PAMR1: variants seen among roughly 807,000 people sequenced by gnomAD.
The protein encoded by PAMR1 is inactive serine protease PAMR1.
PAMR1 carries 88 observed loss-of-function variants against 81.8 expected under a neutral mutation model. The ratio of observed to expected loss-of-function variants is 1.08; its 90% CI spans 0.91 to 1.28. PAMR1 has a LOEUF of 1.28. Ranked by LOEUF, PAMR1 falls within the 50% of genes most tolerant of loss-of-function variation. The probability of loss-of-function intolerance (pLI) is 0.00; values close to 1 mark genes in which losing one functional copy is unlikely to be tolerated. For synonymous variants in PAMR1, 336 were observed against 345.3 expected, an observed-to-expected ratio of 0.97 and a Z score of 0.30; for missense variants, 935 against 919.7, an observed-to-expected ratio of 1.02 and a Z score of -0.21.
chr11:35,472,239 C>T (rs1435530075), intron 4 of PAMR1, among the ~76,000 whole-genome samples: 1 of 152,202 alleles, frequency 6.6e-6, no homozygotes, highest in Non-Finnish European at 1.5e-5. Context: ...GCCTTGATAT[C>T]TTTGTCTTCA....
intron 6 of PAMR1, among the ~76,000 whole-genome samples, chr11:35,463,341 G>A (rs931750350): frequency 2.0e-5 from 3 of 152,208 alleles, no homozygotes; most frequent in Non-Finnish European, 4.4e-5. Flanking sequence ...TCCAAGGCGT[G>A]TCAGAGCCCG....
At chr11:35,439,828 T>A in intron 7 of PAMR1, 135 bp from the exon 8 acceptor site, 1 of 699,538 alleles carries the variant, frequency 1.4e-6, no homozygotes, top group Non-Finnish European at 2.6e-6. Context: ...GCAAGACATG[T>A]CAGCCAAGCT....
chr11:35,441,424 C>CA, intron 7 of PAMR1, 57 bp downstream of exon 7: 1 of 1,315,864 alleles, frequency 7.6e-7, no homozygotes, highest in Non-Finnish European at 1.1e-6. Context: ...AAGGAGCTAC[C>CA]AAAAAGTCTA....
chr11:35,479,558 G>A (rs1850345741), intron 3 of PAMR1, among the ~76,000 whole-genome samples: 1 of 152,144 alleles, frequency 6.6e-6, no homozygotes. Flanking sequence ...GGAATCACAG[G>A]GGACAGCTCA....
intron 7 of PAMR1, 49 bp downstream of exon 7, chr11:35,441,432 C>G: frequency 7.1e-7 from 1 of 1,407,866 alleles, no homozygotes; most frequent in Non-Finnish European, 1.0e-6. Flanking sequence ...ACCAAAAAGT[C>G]TAGCAACTTC....
chr11:35,510,115 T>A (rs1355315527), intron 1 of PAMR1, among the ~76,000 whole-genome samples: 6 of 152,238 alleles, frequency 3.9e-5, no homozygotes, highest in Non-Finnish European at 7.3e-5. Context: ...TATTTTTTTC[T>A]TTATAAAACA....
At chr11:35,484,473 G>T (rs562974075) in intron 3 of PAMR1, among the ~76,000 whole-genome samples, 13 of 152,268 alleles carry the variant, frequency 8.5e-5, no homozygotes, top group African/African-American at 2.9e-4. Flanking sequence ...GGGCAGCCCC[G>T]AAAGTCAGTA....
At chr11:35,466,267 T>C (rs534436548) in intron 6 of PAMR1, among the ~76,000 whole-genome samples, 5 of 152,292 alleles carry the variant, frequency 3.3e-5, no homozygotes, top group Non-Finnish European at 7.4e-5. Context: ...CAGGCTCAAA[T>C]GAGGCAAGAA....
At chr11:35,493,439 C>G (rs1850665774) in intron 2 of PAMR1, among the ~76,000 whole-genome samples, 1 of 152,070 alleles carries the variant, frequency 6.6e-6, no homozygotes, top group Non-Finnish European at 1.5e-5. Flanking sequence ...CTCTCCTTCT[C>G]CCTCCCTCTC....
chr11:35,475,828 C>T (rs542912544), intron 3 of PAMR1, among the ~76,000 whole-genome samples: 142 of 152,222 alleles, frequency 9.3e-4, no homozygotes, highest in African/African-American at 3.3e-3. Context: ...TAGCAAGAGA[C>T]AGTAGGCCCC....
At position 35,490,398 on chromosome 11, in the gene PAMR1, G is replaced by A. The variant is rs189904006; in HGVS notation, c.379+1647C>T. ...CACTCTTCCATATGACCCAAAGCAG[G>A]GAAAAACCCAAAGTGATCTTACATA... On this transcript the variant is annotated intron_variant, in intron 3 of 10. Coordinates refer to ENST00000619888, the MANE Select transcript of PAMR1 (RefSeq NM_001001991.3). Among the ~76,000 whole-genome samples, 167 of 152,254 alleles carry A rather than the reference G, an allele frequency of 1.1e-3. 1 individual carries two copies. The highest frequency in any genetic ancestry group is 5.1e-4 in the Non-Finnish European group (35 of 68,014).
At chr11:35,443,424 C>G (rs1445230591) in intron 6 of PAMR1, among the ~76,000 whole-genome samples, 2 of 152,122 alleles carry the variant, frequency 1.3e-5, no homozygotes, top group Non-Finnish European at 2.9e-5. Flanking sequence ...GTGTTCTCAT[C>G]ATTCAGCTCC....
intron 1 of PAMR1, among the ~76,000 whole-genome samples, chr11:35,511,937 T>C (rs1218822359): frequency 6.6e-6 from 1 of 152,142 alleles, no homozygotes; most frequent in Admixed American, 6.5e-5. Flanking sequence ...TCCCTCCCCC[T>C]GAGCTTTTGA....
chr11:35,515,973 T>C (rs1197533693), intron 1 of PAMR1, among the ~76,000 whole-genome samples: 1 of 152,180 alleles, frequency 6.6e-6, no homozygotes, highest in Non-Finnish European at 1.5e-5. Flanking sequence ...CCTTCTCAAT[T>C]CCTTGTGAAA....
chr11:35,436,207 T>G (rs1278415039), intron 8 of PAMR1, 72 bp from the exon 9 acceptor site: 2 of 903,512 alleles, frequency 2.2e-6, no homozygotes, highest in African/African-American at 1.6e-5. Context: ...TTAGCATTCA[T>G]GCCATGTCCC....
intron 6 of PAMR1, among the ~76,000 whole-genome samples, chr11:35,456,983 C>T (rs969602351): frequency 4.6e-5 from 7 of 152,072 alleles, no homozygotes; most frequent in Admixed American, 1.3e-4. Flanking sequence ...TAATGCAACC[C>T]TAAAATATAT....
chr11:35,486,862 G>A (rs1009818145), intron 3 of PAMR1, among the ~76,000 whole-genome samples: 1 of 152,290 alleles, frequency 6.6e-6, no homozygotes, highest in African/African-American at 2.4e-5. Context: ...TGGAGCGACT[G>A]AAGTATTGTT....
intron 1 of PAMR1, among the ~76,000 whole-genome samples, chr11:35,511,089 C>T (rs1298623476): frequency 1.3e-5 from 2 of 152,226 alleles, no homozygotes; most frequent in African/African-American, 4.8e-5. Flanking sequence ...GGCACAGGTT[C>T]AGCTTTCATA....
At chr11:35,464,682 A>G (rs946538344) in intron 6 of PAMR1, among the ~76,000 whole-genome samples, 2 of 152,194 alleles carry the variant, frequency 1.3e-5, no homozygotes, top group Non-Finnish European at 1.5e-5. Flanking sequence ...CATACCGCAG[A>G]AAAAAAGGTC....
Sources: gnomAD v4.1 joint callset for allele counts (sites outside exome capture counted in the v4.1 genomes callset) on GRCh38, gnomAD v4.1.1 for gene constraint, MANE v1.5 for transcripts, NCBI Gene and HGNC (gene_info 2026-07-23, HGNC 2026-07-21) for gene names.